The following ACAT1 variants were observed in gnomAD, a reference collection of about 807,000 sequenced individuals.
ACAT1 encodes acetyl-CoA acetyltransferase, mitochondrial.
ACAT1 carries 28 observed loss-of-function variants against 47.3 expected under a neutral mutation model. That is an observed-to-expected ratio of 0.59 (90% CI 0.44 to 0.81). The LOEUF (loss-of-function observed/expected upper bound fraction) is 0.81, where lower values mean the gene tolerates loss of function less well. ACAT1 is among the 30% of genes least tolerant of loss of function. The pLI is 0.00. For missense variants in ACAT1, 469 were observed against 524.3 expected (o/e 0.89, Z 1.03); for synonymous variants, 181 against 173.6 (o/e 1.04, Z -0.34).
intron 6 of ACAT1, 145 bp downstream of exon 6, chr11:108,139,186 A>G: frequency 9.4e-7 from 1 of 1,061,556 alleles, no homozygotes; most frequent in Non-Finnish European, 1.4e-6. Context: ...ATATTTTTGT[A>G]TGCCTATTGC....
intron 8 of ACAT1, 38 bp downstream of exon 8, chr11:108,141,738 C>A: frequency 7.2e-7 from 1 of 1,393,890 alleles, no homozygotes; most frequent in Non-Finnish European, 1.0e-6. Context: ...AAAAATTGAG[C>A]CAGTATACCA....
chr11:108,134,518 A>C, intron 4 of ACAT1: 1 of 393,866 alleles, frequency 2.5e-6, no homozygotes, highest in Non-Finnish European at 4.8e-6. Flanking sequence ...TGGTGCACTA[A>C]TCCCAGCTAC....
chr11:108,139,805 C>G (rs2077550255), intron 6 of ACAT1, among the ~76,000 whole-genome samples: 1 of 145,714 alleles, frequency 6.9e-6, no homozygotes, highest in African/African-American at 2.6e-5. Context: ...GGACTACAGG[C>G]ACGTGCCCCC....
intron 1 of ACAT1, among the ~76,000 whole-genome samples, chr11:108,131,638 C>T: frequency 6.6e-6 from 1 of 151,824 alleles, no homozygotes. Flanking sequence ...AGGCATGAGC[C>T]ACCACGCCTG....
At chr11:108,145,532 CAAAAT>C (rs932722613) in intron 10 of ACAT1, among the ~76,000 whole-genome samples, 1 of 151,304 alleles carries the variant, frequency 6.6e-6, no homozygotes, top group Non-Finnish European at 1.5e-5. Flanking sequence ...GACCCTGTCT[CAAAAT>C]AAATCAACAA....
intron 5 of ACAT1, among the ~76,000 whole-genome samples, chr11:108,138,410 TTTC>T (rs1347031258): frequency 6.6e-6 from 1 of 150,734 alleles, no homozygotes; most frequent in Non-Finnish European, 1.5e-5. Flanking sequence ...TTTTTTTTTT[TTTC>T]TTTTGAGGAG....
intron 2 of ACAT1, among the ~76,000 whole-genome samples, chr11:108,132,437 CT>C (rs2077378971): frequency 6.6e-6 from 1 of 152,200 alleles, no homozygotes; most frequent in Non-Finnish European, 1.5e-5. Context: ...TATCTCTAAA[CT>C]TAATAGGAGA....
intron 1 of ACAT1, among the ~76,000 whole-genome samples, chr11:108,130,661 G>C (rs1482714446): frequency 6.6e-6 from 1 of 152,122 alleles, no homozygotes; most frequent in Non-Finnish European, 1.5e-5. Flanking sequence ...AAAGTGCTGG[G>C]ATTACAGGCA....
intron 1 of ACAT1, among the ~76,000 whole-genome samples, chr11:108,130,292 C>G (rs535333901): frequency 6.6e-5 from 10 of 152,102 alleles, no homozygotes; most frequent in Admixed American, 5.9e-4. Flanking sequence ...CTTGTAAGTA[C>G]TTAGGGTTGT....
At chr11:108,120,180 G>A (rs747652256), upstream of ACAT1, among the ~76,000 whole-genome samples, 15 of 151,846 alleles carry the variant, frequency 9.9e-5, no homozygotes, top group African/African-American at 1.4e-4. Flanking sequence ...TGACAAGTGC[G>A]AGACTGTCTC....
intron 6 of ACAT1, chr11:108,139,307 G>A (rs1339948115): frequency 2.2e-6 from 1 of 447,632 alleles, no homozygotes. Flanking sequence ...TAAGACATGA[G>A]TGGCTGGGTG....
chr11:108,138,399 CTT>C (rs1351145995), intron 5 of ACAT1, among the ~76,000 whole-genome samples: 2 of 143,026 alleles, frequency 1.4e-5, no homozygotes. Flanking sequence ...TCCGCCTCTA[CTT>C]TTTTTTTTTT....
chr11:108,131,371 T>TTTTTTTTTC (rs1243713576), intron 1 of ACAT1, among the ~76,000 whole-genome samples: 1 of 145,326 alleles, frequency 6.9e-6, no homozygotes, highest in Non-Finnish European at 1.5e-5. Context: ...TTTTTTTTTT[T>TTTTTTTTTC]TAGACAGTCT....
intron 1 of ACAT1, among the ~76,000 whole-genome samples, chr11:108,125,936 AAAAG>A (rs1225232580): frequency 6.6e-6 from 1 of 151,422 alleles, no homozygotes; most frequent in Non-Finnish European, 1.5e-5. Context: ...AAAAAAAAAA[AAAAG>A]AAAAGACATG....
At chr11:108,134,967 A>G (rs989982731) in intron 4 of ACAT1, among the ~76,000 whole-genome samples, 175 bp from the exon 5 acceptor site, 1 of 139,822 alleles carries the variant, frequency 7.2e-6, no homozygotes, top group African/African-American at 2.6e-5. Flanking sequence ...AAAAAAAAAA[A>G]AGTATAAAAT....
At chr11:108,135,820 T>C (rs1029474327) in intron 5 of ACAT1, among the ~76,000 whole-genome samples, 3 of 150,674 alleles carry the variant, frequency 2.0e-5, no homozygotes, top group African/African-American at 7.4e-5. Context: ...AGAGCAAGAC[T>C]CTCAAAAAAA....
Position 108,147,442 on chromosome 11 carries a change from T to TAATC in ACAT1, c.*54_*57dup, listed in dbSNP as rs758479564. The TAATC allele has an allele frequency of 3.1e-6, 5 of 1,590,334 alleles. No individual in the cohort carries two copies. Among genetic ancestry groups the TAATC allele is most frequent in the Admixed American group, 3.4e-5 (2 of 59,508 alleles). On this transcript the variant is annotated 3_prime_UTR_variant, in exon 12 of 12. Transcript: ENST00000265838. ...CCCTATGTGACCAGAAGGCCTGCTG[T>TAATC]AATCAGTGTGACTACTGTGGGTCAG...
chr11:108,121,918 G>C, intron 1 of ACAT1: 3 of 579,748 alleles, frequency 5.2e-6, no homozygotes, highest in Non-Finnish European at 9.2e-6. Context: ...ATCTTAATGA[G>C]CGTTACTGGT....
upstream of ACAT1, among the ~76,000 whole-genome samples, chr11:108,118,252 C>CA (rs2135276273): frequency 1.3e-5 from 2 of 152,086 alleles, no homozygotes; most frequent in East Asian, 3.9e-4. Flanking sequence ...CTGTGTCTAC[C>CA]AAAATACTAG....
Sources: gnomAD v4.1 joint callset for allele counts (sites outside exome capture counted in the v4.1 genomes callset) on GRCh38, gnomAD v4.1.1 for gene constraint, MANE v1.5 for transcripts, NCBI Gene and HGNC (gene_info 2026-07-23, HGNC 2026-07-21) for gene names.